The following CDYL variants were observed in gnomAD, a reference collection of about 807,000 sequenced individuals.
The protein encoded by CDYL is chromodomain Y-like protein.
Under a neutral mutation model 47.3 loss-of-function variants are expected in CDYL, and 8 were observed. The ratio of observed to expected loss-of-function variants is 0.17; its 90% confidence interval spans 0.10 to 0.31. CDYL has a LOEUF of 0.31. CDYL is among the 10% of genes least tolerant of loss of function. The pLI, the probability that CDYL is intolerant of heterozygous loss-of-function variation, is 1.00. For synonymous variants in CDYL, 266 were observed against 265.0 expected (o/e 1.00, Z -0.04); for missense variants, 471 against 701.4 (o/e 0.67, Z 3.71).
At chr6:4,724,537 G>A (rs916033404) in intron 2 of CDYL, 1 of 152,310 alleles carries the variant, frequency 6.6e-6, no homozygotes, top group Admixed American at 6.5e-5. Flanking sequence ...CTCGCTCTGA[G>A]TGTCACAGTT....
At chr6:4,755,269 C>G (rs1033276586) in intron 3 of CDYL, among the ~76,000 whole-genome samples, 3 of 151,882 alleles carry the variant, frequency 2.0e-5, no homozygotes, top group Non-Finnish European at 4.4e-5. Context: ...CGGGGTTTCC[C>G]CCTGTTGGCC....
intron 1 of CDYL, among the ~76,000 whole-genome samples, chr6:4,784,117 A>G (rs1306647692): frequency 6.6e-6 from 1 of 152,146 alleles, no homozygotes; most frequent in Non-Finnish European, 1.5e-5. Context: ...GCTGTGTTTA[A>G]TCTGCTGTTT....
intron 1 of CDYL, among the ~76,000 whole-genome samples, chr6:4,857,771 G>C (rs1581216638): frequency 6.6e-6 from 1 of 152,206 alleles, no homozygotes; most frequent in Non-Finnish European, 1.5e-5. Flanking sequence ...AAGCTCTGTT[G>C]AATTAAGATG....
At chr6:4,898,613 A>G (rs925443580) in intron 2 of CDYL, among the ~76,000 whole-genome samples, 1 of 152,198 alleles carries the variant, frequency 6.6e-6, no homozygotes, top group Non-Finnish European at 1.5e-5. Flanking sequence ...CCTCAGGCAG[A>G]ATGATGTGAT....
chr6:4,943,223 G>C (rs1758412536), intron 4 of CDYL, among the ~76,000 whole-genome samples: 1 of 152,076 alleles, frequency 6.6e-6, no homozygotes, highest in Admixed American at 6.5e-5. Context: ...AGACAGGTTG[G>C]GGAGCAAGAT....
chr6:4,706,710 A>G (rs1185415753), intron 1 of CDYL, among the ~76,000 whole-genome samples: 1 of 152,142 alleles, frequency 6.6e-6, no homozygotes, highest in African/African-American at 2.4e-5. Context: ...AATCGCTTGA[A>G]TCCTGGAGGC....
chr6:4,830,184 T>C (rs561666269), intron 1 of CDYL, among the ~76,000 whole-genome samples: 18 of 152,346 alleles, frequency 1.2e-4, no homozygotes, highest in African/African-American at 4.1e-4. Flanking sequence ...ACTGTGAGTC[T>C]GTGTAAAAGG....
At chr6:4,825,943 C>G (rs572171125) in intron 1 of CDYL, among the ~76,000 whole-genome samples, 1 of 152,078 alleles carries the variant, frequency 6.6e-6, no homozygotes, top group South Asian at 2.1e-4. Context: ...TGTGAGACCA[C>G]CAGCGGGTGG....
At chr6:4,864,052 G>A (rs1761250305) in intron 1 of CDYL, among the ~76,000 whole-genome samples, 1 of 152,176 alleles carries the variant, frequency 6.6e-6, no homozygotes, top group South Asian at 2.1e-4. Flanking sequence ...TCGCCTGAGG[G>A]TCTGTAATGA....
chr6:4,908,391 C>G (rs1454219623), intron 2 of CDYL, among the ~76,000 whole-genome samples: 1 of 152,078 alleles, frequency 6.6e-6, no homozygotes, highest in African/African-American at 2.4e-5. Flanking sequence ...GTCCTTGGGC[C>G]CTAGTTTGAG....
At chr6:4,940,115 T>C (rs1174090549) in intron 4 of CDYL, among the ~76,000 whole-genome samples, 1 of 152,178 alleles carries the variant, frequency 6.6e-6, no homozygotes, top group African/African-American at 2.4e-5. Context: ...GAGATCTCCT[T>C]TGTTGAACTT....
At chr6:4,729,242 C>G (rs1757563308) in intron 2 of CDYL, among the ~76,000 whole-genome samples, 1 of 152,148 alleles carries the variant, frequency 6.6e-6, no homozygotes, top group Admixed American at 6.5e-5. Context: ...CAGACTATCC[C>G]TTGTGCTGGC....
chr6:4,829,364 T>C (rs921975076), intron 1 of CDYL, among the ~76,000 whole-genome samples: 1 of 152,182 alleles, frequency 6.6e-6, no homozygotes, highest in African/African-American at 2.4e-5. Flanking sequence ...TTCCACTGTG[T>C]TTTGGCAGAG....
chr6:4,751,827 G>T (rs1375591555), intron 3 of CDYL, among the ~76,000 whole-genome samples: 2 of 152,216 alleles, frequency 1.3e-5, no homozygotes, highest in South Asian at 2.1e-4. Flanking sequence ...TTGACTTTCA[G>T]TCCTTGTAAA....
At chr6:4,940,421 C>G (rs1421257262) in intron 4 of CDYL, among the ~76,000 whole-genome samples, 2 of 151,344 alleles carry the variant, frequency 1.3e-5, no homozygotes, top group Non-Finnish European at 2.9e-5. Context: ...TTTCATTTCT[C>G]TGGTGTCTTG....
At chr6:4,759,055 C>T (rs1176082992) in intron 3 of CDYL, among the ~76,000 whole-genome samples, 2 of 150,472 alleles carry the variant, frequency 1.3e-5, no homozygotes, top group African/African-American at 2.5e-5. Context: ...GCAAACTCTG[C>T]CTCCCCGGGT....
chr6:4,760,654 G>A (rs1409542676), intron 3 of CDYL, among the ~76,000 whole-genome samples: 2 of 152,188 alleles, frequency 1.3e-5, no homozygotes, highest in Non-Finnish European at 2.9e-5. Flanking sequence ...TCTTCAGAGT[G>A]AGAAATCTGG....
chr6:4,936,215 A>G lies in CDYL; in HGVS notation c.948+444A>G, dbSNP rs900899370. On this transcript the variant is annotated intron_variant, in intron 3 of 6. Coordinates refer to ENST00000397588, the MANE Select transcript of CDYL (RefSeq NM_004824.4). ...GGATCCCAGTCCCTTCAGAATATTT[A>G]TCATCTTTCCAGTCCCCAGATACTC... Among the ~76,000 whole-genome samples the G allele has an allele frequency of 7.9e-5, 12 of 152,264 alleles. No homozygotes were observed. The South Asian group carries it at 2.3e-3, about 29-fold the overall frequency.
intron 1 of CDYL, among the ~76,000 whole-genome samples, chr6:4,709,808 T>C (rs1453642709): frequency 6.6e-6 from 1 of 152,244 alleles, no homozygotes; most frequent in Non-Finnish European, 1.5e-5. Flanking sequence ...TTTCCTTAGC[T>C]TGATTCGGTG....
Sources: gnomAD v4.1 joint callset for allele counts (sites outside exome capture counted in the v4.1 genomes callset) on GRCh38, gnomAD v4.1.1 for gene constraint, MANE v1.5 for transcripts, NCBI Gene and HGNC (gene_info 2026-07-23, HGNC 2026-07-21) for gene names.